Variants in SUPT20H observed in about 807,000 individuals in gnomAD.
The protein encoded by SUPT20H is SPT20 homolog, SAGA complex component.
In SUPT20H, 82 loss-of-function variants were observed where a neutral mutation model predicts 122.8. The observed-to-expected ratio is 0.67, with a 90% CI of 0.56 to 0.80. SUPT20H has a LOEUF of 0.80. Ranked by LOEUF, SUPT20H falls within the 30% of genes least tolerant of loss-of-function variation. SUPT20H has a pLI of 0.00. For missense variants in SUPT20H, 831 were observed against 921.6 expected (o/e 0.90, Z 1.27); for synonymous variants, 291 against 313.0 (o/e 0.93, Z 0.74).
At chr13:37,034,839 T>A (rs2064039632) in intron 9 of SUPT20H, among the ~76,000 whole-genome samples, 1 of 152,208 alleles carries the variant, frequency 6.6e-6, no homozygotes, top group Non-Finnish European at 1.5e-5. Flanking sequence ...CTGAAGCCAA[T>A]GCTTATTTGA....
intron 7 of SUPT20H, among the ~76,000 whole-genome samples, chr13:37,040,985 C>G (rs2065360098): frequency 6.6e-6 from 1 of 152,156 alleles, no homozygotes; most frequent in Non-Finnish European, 1.5e-5. Flanking sequence ...CATTTACATA[C>G]TATTATGTTA....
chr13:37,047,411 A>T, intron 5 of SUPT20H, 124 bp downstream of exon 5: 2 of 1,074,114 alleles, frequency 1.9e-6, no homozygotes, highest in Non-Finnish European at 2.5e-6. Context: ...AGAATTGACT[A>T]GGGTCAGGTT....
intron 1 of SUPT20H, among the ~76,000 whole-genome samples, chr13:37,055,752 C>A (rs2068817000): frequency 6.6e-6 from 1 of 152,148 alleles, no homozygotes; most frequent in African/African-American, 2.4e-5. Flanking sequence ...GCAACAAAAG[C>A]CAAAATTGAC....
Position 37,009,687 on chromosome 13 carries a change from G to T in SUPT20H, c.2325C>A (p.Thr775=), listed in dbSNP as rs778385572. Residue 775 remains threonine, a synonymous_variant, in exon 26 of 26, where the codon ACC becomes ACA. Coordinates refer to ENST00000350612, the MANE Select transcript of SUPT20H (RefSeq NM_001014286.3). ...SKSKMKRGTP[T]TPKF ...AATGCAAGACTCAAAATTTTGGAGT[G>T]GTTGGCGTGCCTCTCTTCATTTTAC... The T allele has an allele frequency of 1.9e-6, 3 of 1,613,792 alleles. No homozygotes were observed. The Admixed American group carries it at 5.0e-5, about 27-fold the overall frequency.
At position 37,018,308 on chromosome 13, in the gene SUPT20H, A is replaced by G. The variant is rs562242122; in HGVS notation, c.1873-944T>C. Among the ~76,000 whole-genome samples, 10 of 152,356 alleles carry G rather than the reference A, an allele frequency of 6.6e-5. No individual in the cohort carries two copies. In the South Asian group the frequency reaches 2.1e-3, roughly 32 times the overall value. On this transcript the variant is annotated intron_variant, in intron 22 of 25. Coordinates refer to ENST00000350612, the MANE Select transcript of SUPT20H (RefSeq NM_001014286.3). Reference sequence around the variant, plus strand: ...GTTAACACTGAGACTGATCCCTAAGAAAATTTCAAAAGCAATATGCCGGAA... The same window carrying G: ...GTTAACACTGAGACTGATCCCTAAGGAAATTTCAAAAGCAATATGCCGGAA...
intron 12 of SUPT20H, among the ~76,000 whole-genome samples, 153 bp from the exon 13 acceptor site, chr13:37,029,989 T>C (rs754853959): frequency 6.6e-6 from 1 of 152,246 alleles, no homozygotes; most frequent in Non-Finnish European, 1.5e-5. Context: ...ATCAACTACT[T>C]ATGCTTAAGC....
At chr13:37,010,861 A>C (rs2059485404) in intron 24 of SUPT20H, 1 of 465,776 alleles carries the variant, frequency 2.1e-6, no homozygotes, top group South Asian at 3.4e-5. Context: ...TTCTGGACAC[A>C]AAAAGAGAAG....
At chr13:37,038,679 T>C (rs2064941703) in intron 9 of SUPT20H, 2 of 152,356 alleles carry the variant, frequency 1.3e-5, no homozygotes, top group South Asian at 4.1e-4. Context: ...TGAGTGGACA[T>C]CTCATATACA....
intron 18 of SUPT20H, 42 bp from the exon 19 acceptor site, chr13:37,024,235 A>G: frequency 6.4e-7 from 1 of 1,564,104 alleles, no homozygotes; most frequent in Non-Finnish European, 8.7e-7. Context: ...TATAATTCAA[A>G]CTTCTGTGAA....
At chr13:37,029,255 G>A (rs777134789) in intron 13 of SUPT20H, among the ~76,000 whole-genome samples, 17 of 152,164 alleles carry the variant, frequency 1.1e-4, no homozygotes, top group Non-Finnish European at 2.4e-4. Context: ...AAGGCTGGGC[G>A]CAGTGGCTCA....
Position 37,026,203 on chromosome 13 carries a change from C to A in SUPT20H, c.1211+1G>T. On this transcript the variant is annotated splice_donor_variant, in intron 16 of 25. Transcript: ENST00000350612. LOFTEE classifies it high-confidence loss of function. ...AAAATAAGAGATGCAAATATTTTTA[C>A]CTCTCAGCATCGGTCTTTGATCCAA... 1 of 1,556,668 alleles carries A rather than the reference C, an allele frequency of 6.4e-7. No individual in the cohort carries two copies. The highest frequency in any genetic ancestry group is 8.6e-7 in the Non-Finnish European group (1 of 1,159,644).
intron 6 of SUPT20H, 84 bp from the exon 7 acceptor site, chr13:37,044,265 T>C (rs1267160668): frequency 2.8e-6 from 3 of 1,062,336 alleles, no homozygotes; most frequent in Admixed American, 2.8e-5. Flanking sequence ...CAAAGAACTA[T>C]ATATAATAAA....
In SUPT20H at chr13:37,029,821, T is replaced by C; in HGVS notation, c.937A>G (p.Lys313Glu). The change falls in exon 13 of 26, where the codon AAA (lysine) becomes GAA (glutamate). Residue 313 changes from lysine (K) to glutamate (E), a missense_variant. Lys to Glu is a moderately conservative substitution (Grantham distance 56, BLOSUM62 1). Transcript: ENST00000350612. ...PSEVDVEKYAKVEKSIKSDDS... is the reference protein window; with the variant it reads ...PSEVDVEKYAEVEKSIKSDDS... ...TCAGATTTGATAGACTTTTCCACTTTAGCATATTTCTCCACCTAAACAATC... is the reference window on the plus strand; with the variant it reads ...TCAGATTTGATAGACTTTTCCACTTCAGCATATTTCTCCACCTAAACAATC... 1 of 1,599,958 alleles carries C rather than the reference T, an allele frequency of 6.3e-7. No homozygotes were observed. The highest frequency in any genetic ancestry group is 1.7e-5 in the Admixed American group (1 of 57,370).
At chr13:37,012,318 T>C (rs2059749390) in intron 23 of SUPT20H, 21 bp from the exon 24 acceptor site, 1 of 1,591,148 alleles carries the variant, frequency 6.3e-7, no homozygotes, top group Non-Finnish European at 8.6e-7. Flanking sequence ...AAATAATAAA[T>C]GACTTGTACA....
In SUPT20H at chr13:37,017,270, C is replaced by G; in HGVS notation, c.1967G>C (p.Cys656Ser). The change falls in exon 23 of 26, where the codon TGT becomes TCT. Residue 656 changes from cysteine (C) to serine (S), a missense_variant. Physicochemically the swap from Cys to Ser is moderately radical, Grantham distance 112 (BLOSUM62 -1). Transcript: ENST00000350612. ...CTGCTCCCCTGGCTGTTGAGGACTA[C>G]AAGTTGTGGGCTGCTGAGGTTGTTG... ...TPQQPQQPTT[C>S]SPQQPGEQGS... 1.2e-6 allele frequency: 2 copies of G among 1,614,090 alleles called. No individual in the cohort carries two copies. Among genetic ancestry groups the G allele is most frequent in the Admixed American group, 1.7e-5 (1 of 60,014 alleles).
chr13:37,048,539 A>C, intron 3 of SUPT20H, 25 bp downstream of exon 3: 1 of 1,563,334 alleles, frequency 6.4e-7, no homozygotes, highest in Non-Finnish European at 8.6e-7. Context: ...ACACTATTTC[A>C]ATATGTAACT....
intron 9 of SUPT20H, among the ~76,000 whole-genome samples, chr13:37,037,378 CA>C (rs1022408681): frequency 3.3e-4 from 50 of 152,200 alleles, no homozygotes; most frequent in African/African-American, 1.2e-3. Flanking sequence ...ACTAGGAAAC[CA>C]AAAAGTTCAT....
At chr13:37,046,470 G>A (rs2066452852) in intron 5 of SUPT20H, among the ~76,000 whole-genome samples, 1 of 152,166 alleles carries the variant, frequency 6.6e-6, no homozygotes, top group African/African-American at 2.4e-5. Flanking sequence ...GGGCCAAATA[G>A]TTTGTGCTGC....
Position 37,054,951 on chromosome 13 carries a change from C to G in SUPT20H, c.-93-3368G>C, listed in dbSNP as rs577434633. 2.6e-3 allele frequency among the ~76,000 whole-genome samples: 403 copies of G among 152,270 alleles called. 1 individual carries two copies. Among genetic ancestry groups the G allele is most frequent in the Non-Finnish European group, 4.6e-3 (315 of 68,028 alleles). ...ATACAAAATCAATGTGCAAAAATCA[C>G]AAGCATTCTTATACACCAATAACAG... On this transcript the variant is annotated intron_variant, in intron 1 of 25. Transcript: ENST00000350612.
Sources: gnomAD v4.1 joint callset for allele counts (sites outside exome capture counted in the v4.1 genomes callset) on GRCh38, gnomAD v4.1.1 for gene constraint, MANE v1.5 for transcripts, NCBI Gene and HGNC (gene_info 2026-07-23, HGNC 2026-07-21) for gene names.